NDUFAF1: variants seen among roughly 807,000 people sequenced by gnomAD.
The protein encoded by NDUFAF1 is complex I intermediate-associated protein 30, mitochondrial.
NDUFAF1 carries 18 observed loss-of-function variants against 28.7 expected under a neutral mutation model. That is an observed-to-expected ratio of 0.63 (90% CI 0.43 to 0.93). The LOEUF (loss-of-function observed/expected upper bound fraction) is 0.93, where lower values mean the gene tolerates loss of function less well. Ranked by LOEUF, NDUFAF1 falls within the 40% of genes least tolerant of loss-of-function variation. The pLI is 0.00. For synonymous variants in NDUFAF1, 113 were observed against 139.7 expected (o/e 0.81, Z 1.35); for missense variants, 404 against 398.3 (o/e 1.01, Z -0.12).
intron 1 of NDUFAF1, among the ~76,000 whole-genome samples, chr15:41,398,834 A>C (rs972624373): frequency 1.3e-5 from 2 of 151,996 alleles, no homozygotes; most frequent in African/African-American, 4.8e-5. Flanking sequence ...GAGCGCCTGT[A>C]ATCCCAGCTA....
chr15:41,400,130 T>C (rs929619053), intron 1 of NDUFAF1, among the ~76,000 whole-genome samples: 3 of 151,254 alleles, frequency 2.0e-5, no homozygotes, highest in African/African-American at 7.3e-5. Flanking sequence ...TCCCAGCACT[T>C]TGGGAGGCCA....
At chr15:41,396,388 G>A in intron 2 of NDUFAF1, 99 bp downstream of exon 2, 2 of 1,209,342 alleles carry the variant, frequency 1.7e-6, no homozygotes, top group Non-Finnish European at 2.4e-6. Context: ...CATGCCAGGT[G>A]TTTTCATTTA....
intron 1 of NDUFAF1, among the ~76,000 whole-genome samples, chr15:41,398,351 G>A (rs2050418955): frequency 1.3e-5 from 2 of 151,474 alleles, no homozygotes; most frequent in African/African-American, 4.9e-5. Context: ...AGGCGTGGTG[G>A]CAGACGCCTG....
At chr15:41,392,167 G>A (rs2140913516) in intron 3 of NDUFAF1, among the ~76,000 whole-genome samples, 1 of 150,788 alleles carries the variant, frequency 6.6e-6, no homozygotes, top group Non-Finnish European at 1.5e-5. Context: ...CCACTTCTCA[G>A]GTTCAAGCGA....
intron 2 of NDUFAF1, among the ~76,000 whole-genome samples, chr15:41,395,447 G>A (rs1329757119): frequency 6.7e-6 from 1 of 149,992 alleles, no homozygotes; most frequent in East Asian, 2.0e-4. Context: ...TCAGCTCACT[G>A]CAAGCTCTGC....
Position 41,394,219 on chromosome 15 carries a change from C to G in NDUFAF1, c.759+640G>C, listed in dbSNP as rs112076861. The G allele has an allele frequency of 1.0e-5, 5 of 492,162 alleles. No individual in the cohort carries two copies. In the Admixed American group the frequency reaches 1.2e-4, roughly 12 times the overall value. The allele number at this position is 492,162 out of a possible 1,614,324, so 30.5% of individuals were successfully genotyped here. On this transcript the variant is annotated intron_variant, in intron 3 of 4. Transcript: ENST00000260361. Reference sequence around the variant, plus strand: ...AATTTTGTATTTTTTTTAGTAGAGACAACAGGGTTTCTCCATGTTGGTCAG... The same window carrying G: ...AATTTTGTATTTTTTTTAGTAGAGAGAACAGGGTTTCTCCATGTTGGTCAG...
At chr15:41,400,972 CTTTT>C (rs57295983) in intron 1 of NDUFAF1, among the ~76,000 whole-genome samples, 40 of 144,264 alleles carry the variant, frequency 2.8e-4, no homozygotes, top group African/African-American at 9.3e-4. Context: ...ATTATCAATA[CTTTT>C]TTTTTTTTTT....
chr15:41,400,688 A>ATTTTTTTTTTTTTTTTT (rs58010983), intron 1 of NDUFAF1, among the ~76,000 whole-genome samples: 5 of 97,822 alleles, frequency 5.1e-5, no homozygotes, highest in African/African-American at 1.3e-4. Flanking sequence ...ATGCCCAGCT[A>ATTTTTTTTTTTTTTTTT]TTTTTTTTTT....
At chr15:41,399,619 C>A (rs937027175) in intron 1 of NDUFAF1, among the ~76,000 whole-genome samples, 1 of 151,508 alleles carries the variant, frequency 6.6e-6, no homozygotes, top group Non-Finnish European at 1.5e-5. Flanking sequence ...CTTTGGGAGG[C>A]GGAGGCGGGC....
chr15:41,399,571 C>G (rs1595411006), intron 1 of NDUFAF1, among the ~76,000 whole-genome samples: 2 of 148,878 alleles, frequency 1.3e-5, no homozygotes, highest in East Asian at 4.0e-4. Flanking sequence ...AAAAAAAATA[C>G]AGGCCGGGCG....
chr15:41,399,423 G>C (rs2050432343), intron 1 of NDUFAF1, among the ~76,000 whole-genome samples: 1 of 151,580 alleles, frequency 6.6e-6, no homozygotes, highest in African/African-American at 2.4e-5. Context: ...TGGGCATGGT[G>C]GTGGGCACCT....
chr15:41,394,199 T>A (rs1330502448), intron 3 of NDUFAF1: 1 of 468,380 alleles, frequency 2.1e-6, no homozygotes, highest in Non-Finnish European at 4.2e-6. Context: ...CAGCTAATTT[T>A]GTATTTTTTT....
rs1057021531 is a variant in NDUFAF1 at position 41,394,470 on chromosome 15, A to T, written c.759+389T>A. 1.6e-4 allele frequency: 129 copies of T among 823,870 alleles called. 1 individual carries two copies. Among genetic ancestry groups the T allele is most frequent in the Non-Finnish European group, 2.2e-4 (125 of 566,120 alleles). 51.0% of individuals were successfully genotyped at this position (823,870 alleles called of 1,614,324 possible). A position where few individuals can be genotyped will look rare whatever the true frequency, so the allele number is the denominator to read the frequency against. ...GCATGGACCTGGCCACATCCATATC[A>T]AAAATATTCACTAGTTAGTATGTTA... On this transcript the variant is annotated intron_variant, in intron 3 of 4. Transcript: ENST00000260361.
At chr15:41,395,527 A>T (rs1229775933) in intron 2 of NDUFAF1, among the ~76,000 whole-genome samples, 2 of 148,650 alleles carry the variant, frequency 1.3e-5, no homozygotes, top group South Asian at 2.1e-4. Flanking sequence ...CCAAAACCAC[A>T]CCCGGCTAAT....
intron 1 of NDUFAF1, among the ~76,000 whole-genome samples, chr15:41,400,688 A>ATTTTTTTTTTTTTTTTTTTTTTTTTTTTT: frequency 1.0e-5 from 1 of 97,822 alleles, no homozygotes; most frequent in Non-Finnish European, 1.9e-5. Context: ...ATGCCCAGCT[A>ATTTTTTTTTTTTTTTTTTTTTTTTTTTTT]TTTTTTTTTT....
chr15:41,399,955 G>A (rs1188478522), intron 1 of NDUFAF1, among the ~76,000 whole-genome samples: 1 of 151,888 alleles, frequency 6.6e-6, no homozygotes, highest in Non-Finnish European at 1.5e-5. Flanking sequence ...AGCTACTCGG[G>A]AGGCTGAAGC....
At chr15:41,402,500 TC>T (rs1162428665), upstream of NDUFAF1, 4 of 340,356 alleles carry the variant, frequency 1.2e-5, no homozygotes, top group South Asian at 6.6e-5. Flanking sequence ...CCCGTATAGG[TC>T]CATCTGCTTT....
At chr15:41,391,590 AGAGT>A (rs1377435448) in intron 3 of NDUFAF1, among the ~76,000 whole-genome samples, 1 of 150,876 alleles carries the variant, frequency 6.6e-6, no homozygotes, top group Non-Finnish European at 1.5e-5. Context: ...CTGGGCAGTA[AGAGT>A]GAGACTCCAT....
intron 3 of NDUFAF1, among the ~76,000 whole-genome samples, chr15:41,394,656 T>C (rs189373261): frequency 1.0e-4 from 12 of 119,582 alleles, no homozygotes; most frequent in African/African-American, 4.0e-4. Context: ...TGAGACAGAG[T>C]CTCATCTCAC....
Sources: gnomAD v4.1 joint callset for allele counts (sites outside exome capture counted in the v4.1 genomes callset) on GRCh38, gnomAD v4.1.1 for gene constraint, MANE v1.5 for transcripts, NCBI Gene and HGNC (gene_info 2026-07-23, HGNC 2026-07-21) for gene names.